Variants in RBFOX1 observed in about 807,000 individuals in gnomAD.
RBFOX1 encodes the protein RNA binding fox-1 homolog 1.
A neutral mutation model predicts 57.7 loss-of-function variants in RBFOX1; 8 were observed. That is an observed-to-expected ratio of 0.14 (90% confidence interval 0.08 to 0.25). The LOEUF (loss-of-function observed/expected upper bound fraction) is 0.25, where lower values mean the gene tolerates loss of function less well. RBFOX1 is among the 10% of genes least tolerant of loss of function. The probability of loss-of-function intolerance (pLI) is 1.00; values close to 1 mark genes in which losing one functional copy is unlikely to be tolerated. For missense variants in RBFOX1, 611 were observed against 548.5 expected, an observed-to-expected ratio of 1.11 and a Z score of -1.14; for synonymous variants, 326 against 222.4, an observed-to-expected ratio of 1.47 and a Z score of -4.15.
intron 1 of RBFOX1, among the ~76,000 whole-genome samples, chr16:5,274,006 G>A (rs914102217): frequency 2.0e-5 from 3 of 152,186 alleles, no homozygotes; most frequent in Admixed American, 6.5e-5. Context: ...GTGTGCTGGA[G>A]GAAAATGTAT....
intron 4 of RBFOX1, among the ~76,000 whole-genome samples, chr16:6,009,239 C>G (rs1349892278): frequency 6.6e-6 from 1 of 152,066 alleles, no homozygotes; most frequent in Non-Finnish European, 1.5e-5. Flanking sequence ...TACCAAAAAG[C>G]CACGATGGTA....
rs1726501438 is a variant in RBFOX1 at position 6,783,463 on chromosome 16, A to T, written c.-16+128813A>T. Among the ~76,000 whole-genome samples, 2 of 151,062 alleles carry T rather than the reference A, an allele frequency of 1.3e-5. 1 individual carries two copies. The highest frequency in any genetic ancestry group is 1.3e-4 in the Admixed American group (2 of 15,164). ...TTGCAAAAAAAAAAAAAAATCTTAT[A>T]ACCAATTATTTTAAATTGATTAAAG... On this transcript the variant is annotated intron_variant, in intron 3 of 15. Coordinates refer to ENST00000550418, the MANE Select transcript of RBFOX1 (RefSeq NM_018723.4).
chr16:6,615,084 C>G (rs985821389), intron 2 of RBFOX1, among the ~76,000 whole-genome samples: 9 of 152,098 alleles, frequency 5.9e-5, no homozygotes, highest in Non-Finnish European at 8.8e-5. Context: ...TGGATGGTAT[C>G]GTGAAAACAG....
At chr16:6,492,024 G>A (rs761432489) in intron 2 of RBFOX1, among the ~76,000 whole-genome samples, 5 of 152,134 alleles carry the variant, frequency 3.3e-5, no homozygotes, top group African/African-American at 7.2e-5. Context: ...TAGATGAGTA[G>A]ACATATAGAC....
At chr16:6,339,367 C>A (rs2084204365) in intron 2 of RBFOX1, among the ~76,000 whole-genome samples, 1 of 152,190 alleles carries the variant, frequency 6.6e-6, no homozygotes, top group South Asian at 2.1e-4. Flanking sequence ...ATAGGAGACA[C>A]TGGGTTACAG....
intron 3 of RBFOX1, among the ~76,000 whole-genome samples, chr16:6,709,824 G>C (rs17141029): frequency 0.028 from 4,319 of 152,226 alleles, 215 homozygotes; most frequent in African/African-American, 0.098. Flanking sequence ...TTTCAGGCCA[G>C]ATCAGAACGC....
Position 6,756,089 on chromosome 16 carries a change from C to T in RBFOX1, c.-16+101439C>T, listed in dbSNP as rs186110888. ...CACATTGGCAGCAAAACCCTTTTTG[C>T]AAGTTTTATTTGGTCATTCATAGTA... On this transcript the variant is annotated intron_variant, in intron 3 of 15. Transcript: ENST00000550418. 1.9e-4 allele frequency among the ~76,000 whole-genome samples: 29 copies of T among 152,228 alleles called. 1 individual carries two copies. In the East Asian group the frequency reaches 5.0e-3, roughly 26 times the overall value.
At chr16:5,593,740 C>T (rs1348406683) in intron 2 of RBFOX1, among the ~76,000 whole-genome samples, 2 of 152,216 alleles carry the variant, frequency 1.3e-5, no homozygotes, top group African/African-American at 4.8e-5. Context: ...GGGCAACCAG[C>T]AGCCCTGGGG....
chr16:7,136,404 A>ATTTT (rs35623726), intron 4 of RBFOX1, among the ~76,000 whole-genome samples: 86 of 110,932 alleles, frequency 7.8e-4, no homozygotes, highest in African/African-American at 2.6e-3. Context: ...TCATCTTGGG[A>ATTTT]TTTTTTTTTT....
At chr16:5,350,137 C>T (rs987900133) in intron 1 of RBFOX1, among the ~76,000 whole-genome samples, 1 of 152,276 alleles carries the variant, frequency 6.6e-6, no homozygotes, top group South Asian at 2.1e-4. Flanking sequence ...TTTCGGTTCC[C>T]TGCATGTGCA....
chr16:7,639,754 A>C (rs1361447860), intron 11 of RBFOX1, among the ~76,000 whole-genome samples: 1 of 152,076 alleles, frequency 6.6e-6, no homozygotes, highest in Non-Finnish European at 1.5e-5. Context: ...ACCATTCTTC[A>C]ACACTGTAGA....
At chr16:7,676,741 C>A (rs563330930) in intron 13 of RBFOX1, 33 bp from the exon 14 acceptor site, 1 of 1,590,286 alleles carries the variant, frequency 6.3e-7, no homozygotes, top group Non-Finnish European at 8.6e-7. Context: ...GGCTCCGCTA[C>A]ATTCCTGAGT....
intron 3 of RBFOX1, among the ~76,000 whole-genome samples, chr16:6,954,563 C>T (rs921651151): frequency 6.6e-6 from 1 of 152,068 alleles, no homozygotes; most frequent in African/African-American, 2.4e-5. Flanking sequence ...GTTGTCCACC[C>T]CAATGCTATA....
chr16:6,943,631 C>A (rs1406379741), intron 3 of RBFOX1, among the ~76,000 whole-genome samples: 1 of 151,698 alleles, frequency 6.6e-6, no homozygotes, highest in Admixed American at 6.6e-5. Context: ...TGGCGTGAAC[C>A]CGGGAGGCGG....
At chr16:7,181,642 A>G (rs920409232) in intron 4 of RBFOX1, among the ~76,000 whole-genome samples, 1 of 151,838 alleles carries the variant, frequency 6.6e-6, no homozygotes, top group Non-Finnish European at 1.5e-5. Flanking sequence ...GGCTCACTGC[A>G]ACCTCTGCCT....
intron 4 of RBFOX1, among the ~76,000 whole-genome samples, chr16:7,124,698 A>C (rs1212622138): frequency 1.3e-5 from 2 of 151,758 alleles, no homozygotes; most frequent in Non-Finnish European, 2.9e-5. Context: ...AAATCTCCCC[A>C]CATACACAAA....
chr16:6,524,243 C>T (rs1299316200), intron 2 of RBFOX1, among the ~76,000 whole-genome samples: 1 of 152,156 alleles, frequency 6.6e-6, no homozygotes, highest in Non-Finnish European at 1.5e-5. Flanking sequence ...AGAATATGCA[C>T]TGTGTGACTT....
chr16:7,361,959 A>G (rs79654612), intron 4 of RBFOX1, among the ~76,000 whole-genome samples: 2,700 of 143,824 alleles, frequency 0.019, 35 homozygotes, highest in Non-Finnish European at 0.025. Context: ...TTTTGTGTGT[A>G]TGTTTGTGTG....
intron 2 of RBFOX1, among the ~76,000 whole-genome samples, chr16:6,572,795 T>C (rs1450783043): frequency 6.6e-6 from 1 of 152,148 alleles, no homozygotes; most frequent in Non-Finnish European, 1.5e-5. Flanking sequence ...GGTTTCACCA[T>C]GTTGGCCACG....
Sources: allele counts gnomAD v4.1 joint callset (sites outside exome capture counted in the v4.1 genomes callset), GRCh38; gene constraint gnomAD v4.1.1; transcripts MANE v1.5; gene names NCBI Gene and HGNC (gene_info 2026-07-23, HGNC 2026-07-21).